CUBN: variants seen among roughly 807,000 people sequenced by gnomAD.
The protein encoded by CUBN is cubilin.
Under a neutral mutation model 405.3 loss-of-function variants are expected in CUBN, and 282 were observed. The ratio of observed to expected loss-of-function variants is 0.70; its 90% CI spans 0.63 to 0.77. The LOEUF (loss-of-function observed/expected upper bound fraction) is 0.77, where lower values mean the gene tolerates loss of function less well. Ranked by LOEUF, CUBN falls within the 30% of genes least tolerant of loss-of-function variation. CUBN has a pLI of 0.00. For missense variants in CUBN, 4,514 were observed against 4,475.2 expected, an observed-to-expected ratio of 1.01 and a Z score of -0.25; for synonymous variants, 1,684 against 1,617.0, an observed-to-expected ratio of 1.04 and a Z score of -0.99.
intron 59 of CUBN, 99 bp downstream of exon 59, chr10:16,869,537 C>G (rs2131367241): frequency 1.2e-6 from 1 of 866,082 alleles, no homozygotes; most frequent in Non-Finnish European, 1.8e-6. Flanking sequence ...CAAGGAAAAG[C>G]AATCATAATC....
At chr10:17,127,791 G>A in intron 3 of CUBN, 38 bp downstream of exon 3, 1 of 1,448,432 alleles carries the variant, frequency 6.9e-7, no homozygotes. Flanking sequence ...GAACTAGGGA[G>A]AACTCATCGG....
intron 6 of CUBN, among the ~76,000 whole-genome samples, chr10:17,119,175 G>T (rs1836974187): frequency 6.6e-6 from 1 of 152,208 alleles, no homozygotes; most frequent in Non-Finnish European, 1.5e-5. Flanking sequence ...AACTCTGCAT[G>T]ATGTAAAATC....
At chr10:16,888,595 A>G (rs1037839152) in intron 55 of CUBN, 29 bp from the exon 56 acceptor site, 2 of 1,604,346 alleles carry the variant, frequency 1.2e-6, no homozygotes, top group African/African-American at 2.7e-5. Context: ...TCATCATCAG[A>G]TCATTTATTT....
At chr10:16,925,893 A>G (rs1842175989) in intron 41 of CUBN, 119 bp from the exon 42 acceptor site, 6 of 834,858 alleles carry the variant, frequency 7.2e-6, no homozygotes, top group Non-Finnish European at 1.2e-5. Context: ...TTGAAAATAA[A>G]GCCAGAGTGC....
intron 27 of CUBN, chr10:17,023,727 G>A (rs1834572609): frequency 2.5e-6 from 1 of 399,774 alleles, no homozygotes; most frequent in Non-Finnish European, 5.2e-6. Context: ...TTCTAATTGA[G>A]TTACAGAAAG....
chr10:17,026,657 A>C (rs1385869866), intron 27 of CUBN, among the ~76,000 whole-genome samples: 2 of 152,078 alleles, frequency 1.3e-5, no homozygotes, highest in Non-Finnish European at 2.9e-5. Context: ...TAAATAAATA[A>C]TAAGAATCAC....
rs190956758 is a variant in CUBN at position 16,828,525 on chromosome 10, C to G, written c.10764+280G>C. The stretch of plus-strand genomic sequence containing the variant: ...CTGAGGTCAGGAGTTCGAGACCAGC[C>G]TGGTCAACATGGCAAAACCCTGTTT... On this transcript the variant is annotated intron_variant, in intron 66 of 66. Coordinates refer to ENST00000377833, the MANE Select transcript of CUBN (RefSeq NM_001081.4). Among the ~76,000 whole-genome samples the G allele has an allele frequency of 3.0e-3, 462 of 152,234 alleles. 1 individual carries two copies. The highest frequency in any genetic ancestry group is 3.3e-3 in the Non-Finnish European group (227 of 68,016).
At chr10:17,122,561 C>T in intron 6 of CUBN, 1 of 574,986 alleles carries the variant, frequency 1.7e-6, no homozygotes, top group Non-Finnish European at 3.4e-6. Context: ...CTTCCGGTTC[C>T]TTGGGGATGT....
intron 59 of CUBN, among the ~76,000 whole-genome samples, chr10:16,862,151 C>CTA (rs1488741733): frequency 2.2e-4 from 22 of 98,782 alleles, no homozygotes; most frequent in African/African-American, 1.3e-3. Context: ...CCGTCTCTCT[C>CTA]TCTCTCTCTC....
At chr10:17,025,676 A>T (rs769168504) in intron 27 of CUBN, among the ~76,000 whole-genome samples, 22 of 152,224 alleles carry the variant, frequency 1.4e-4, no homozygotes, top group Admixed American at 6.5e-4. Flanking sequence ...ATTAGAGAAC[A>T]GGAGCTGACT....
chr10:16,968,444 T>G (rs1013886017), intron 31 of CUBN, among the ~76,000 whole-genome samples: 1 of 152,196 alleles, frequency 6.6e-6, no homozygotes, highest in African/African-American at 2.4e-5. Flanking sequence ...CAGGCTCTGT[T>G]AGCCCTCGTT....
At chr10:17,044,111 AT>A (rs941109087) in intron 25 of CUBN, 128 bp from the exon 26 acceptor site, 13 of 225,148 alleles carry the variant, frequency 5.8e-5, no homozygotes, top group Non-Finnish European at 9.5e-5. Context: ...AAATAAATAT[AT>A]GTAATTATAT....
intron 64 of CUBN, among the ~76,000 whole-genome samples, chr10:16,831,714 G>T (rs1464836481): frequency 1.3e-5 from 2 of 152,170 alleles, no homozygotes; most frequent in African/African-American, 4.8e-5. Context: ...TGATCCTGCA[G>T]CCTTTGCTTT....
chr10:16,877,091 G>C lies in CUBN; in HGVS notation c.8912C>G (p.Ser2971Cys), dbSNP rs550751478. Residue 2971 changes from serine (S) to cysteine (C), a missense_variant, in exon 57 of 67, where the codon TCC becomes TGC. Ser to Cys is a moderately radical substitution (Grantham distance 112). This residue lies in a region of CUBN where 1,186 missense variants were observed against 1,186.9 expected (regional missense o/e 1.00). Transcript: ENST00000377833. The part of the protein sequence containing the change: ...TFVSFHLEAR[S>C]AVTGSCVNDG... Reference sequence around the variant, plus strand: ...GTTGACACAGCTTCCCGTCACAGCGGAACGAGCTGGAAAAGGCATGGAACA... The same window carrying C: ...GTTGACACAGCTTCCCGTCACAGCGCAACGAGCTGGAAAAGGCATGGAACA... 2.5e-6 allele frequency: 4 copies of C among 1,613,016 alleles called. No homozygotes were observed. The highest frequency in any genetic ancestry group is 4.5e-5 in the East Asian group (2 of 44,810).
At chr10:16,850,108 T>G (rs534639850) in intron 60 of CUBN, among the ~76,000 whole-genome samples, 47 of 152,304 alleles carry the variant, frequency 3.1e-4, no homozygotes, top group Non-Finnish European at 4.6e-4. Context: ...CCTGAGTAAG[T>G]TTTCCCTCGC....
At chr10:16,954,707 CT>C (rs1430978835) in intron 31 of CUBN, among the ~76,000 whole-genome samples, 159 bp from the exon 32 acceptor site, 1 of 152,128 alleles carries the variant, frequency 6.6e-6, no homozygotes, top group Non-Finnish European at 1.5e-5. Flanking sequence ...TGTAACAAGT[CT>C]TTGGTCATTT....
chr10:17,129,074 C>T lies in CUBN; in HGVS notation c.252+47G>A, dbSNP rs763158610. On this transcript the variant is annotated intron_variant, in intron 2 of 66. Coordinates refer to ENST00000377833, the MANE Select transcript of CUBN (RefSeq NM_001081.4). The stretch of plus-strand genomic sequence containing the variant: ...ATCTAGACTTGTTCAATTAAGTCAC[C>T]GTATATGGATATACAAAATGACTTC... 1.4e-5 allele frequency: 21 copies of T among 1,491,254 alleles called. No homozygotes were observed. The South Asian group carries it at 1.5e-4, about 10-fold the overall frequency. 92.4% of individuals were successfully genotyped at this position (1,491,254 alleles called of 1,614,324 possible). A position where few individuals can be genotyped will look rare whatever the true frequency, so the allele number is the denominator to read the frequency against.
At chr10:16,924,927 A>G (rs1487179490) in intron 43 of CUBN, among the ~76,000 whole-genome samples, 1 of 148,804 alleles carries the variant, frequency 6.7e-6, no homozygotes, top group Non-Finnish European at 1.5e-5. Context: ...TATAATGGAA[A>G]GGTCTAAGGA....
chr10:16,957,741 G>C (rs1364701316), intron 31 of CUBN, among the ~76,000 whole-genome samples: 1 of 152,008 alleles, frequency 6.6e-6, no homozygotes, highest in Non-Finnish European at 1.5e-5. Flanking sequence ...AGCAGACAAA[G>C]GAAATTAAAT....
Sources: gnomAD v4.1 joint callset for allele counts (sites outside exome capture counted in the v4.1 genomes callset) on GRCh38, gnomAD v4.1.1 for gene constraint, gnomAD v4.1.1 regional missense constraint, MANE v1.5 for transcripts, NCBI Gene and HGNC (gene_info 2026-07-23, HGNC 2026-07-21) for gene names.